Variants in LIX1 observed in about 807,000 individuals in gnomAD.
LIX1 encodes protein limb expression 1 homolog.
A neutral mutation model predicts 33.4 loss-of-function variants in LIX1; 24 were observed. The observed-to-expected ratio is 0.72, with a 90% CI of 0.52 to 1.01. LIX1 has a LOEUF of 1.01. Ranked by LOEUF, LIX1 falls within the 50% of genes least tolerant of loss-of-function variation. The pLI is 0.00. For missense variants in LIX1, 311 were observed against 339.2 expected (o/e 0.92, Z 0.65); for synonymous variants, 124 against 124.0 (o/e 1.00, Z 0.00).
chr5:97,100,428 C>G lies in LIX1; in HGVS notation c.484-3541G>C, dbSNP rs189435289. 3.7e-4 allele frequency among the ~76,000 whole-genome samples: 57 copies of G among 152,320 alleles called. 1 individual carries two copies. In the South Asian group the frequency reaches 5.8e-3, roughly 15 times the overall value. On this transcript the variant is annotated intron_variant, in intron 4 of 5. Coordinates refer to ENST00000274382, the MANE Select transcript of LIX1 (RefSeq NM_153234.5). ...TTCCCTAGGGAAGATGACCTCCTTT[C>G]CAACTTCTTACATTATATCCCCATC...
At chr5:97,125,128 C>T (rs1747886117) in intron 1 of LIX1, among the ~76,000 whole-genome samples, 1 of 152,152 alleles carries the variant, frequency 6.6e-6, no homozygotes, top group South Asian at 2.1e-4. Context: ...GCTCCTTCCA[C>T]CCCAGTCTAA....
chr5:97,120,610 T>A (rs1747753829), intron 2 of LIX1, among the ~76,000 whole-genome samples: 1 of 152,114 alleles, frequency 6.6e-6, no homozygotes, highest in South Asian at 2.1e-4. Flanking sequence ...CAATAGCATT[T>A]CCTAAGTAGA....
intron 1 of LIX1, 49 bp from the exon 2 acceptor site, chr5:97,124,678 G>A: frequency 6.6e-7 from 1 of 1,516,026 alleles, no homozygotes; most frequent in Non-Finnish European, 8.9e-7. Context: ...GACATAATCT[G>A]GTGCAAAACC....
intron 2 of LIX1, among the ~76,000 whole-genome samples, chr5:97,122,295 AG>A (rs1747806519): frequency 6.6e-6 from 1 of 152,112 alleles, no homozygotes; most frequent in African/African-American, 2.4e-5. Flanking sequence ...GAGTTTCTCT[AG>A]CTCTTCTTTA....
intron 2 of LIX1, among the ~76,000 whole-genome samples, chr5:97,114,109 A>T (rs991279784): frequency 5.3e-5 from 8 of 152,226 alleles, no homozygotes; most frequent in Non-Finnish European, 8.8e-5. Flanking sequence ...TCTCTTGATG[A>T]AGTACGGGGC....
chr5:97,134,276 C>A (rs556713471), intron 1 of LIX1, among the ~76,000 whole-genome samples: 1 of 152,188 alleles, frequency 6.6e-6, no homozygotes, highest in African/African-American at 2.4e-5. Flanking sequence ...CCTGCCACCA[C>A]GCCCAGCTAA....
intron 2 of LIX1, among the ~76,000 whole-genome samples, chr5:97,118,659 A>G (rs572218992): frequency 2.7e-4 from 41 of 152,330 alleles, no homozygotes; most frequent in African/African-American, 9.9e-4. Context: ...AAAAGATCCA[A>G]TAAGTACTAA....
chr5:97,132,712 G>C (rs1580246569), intron 1 of LIX1, among the ~76,000 whole-genome samples: 1 of 152,196 alleles, frequency 6.6e-6, no homozygotes, highest in Non-Finnish European at 1.5e-5. Context: ...GTGCTGTGCT[G>C]CCTGTGGTGG....
intron 2 of LIX1, among the ~76,000 whole-genome samples, chr5:97,109,032 G>A (rs961226772): frequency 6.6e-6 from 1 of 151,982 alleles, no homozygotes; most frequent in Non-Finnish European, 1.5e-5. Context: ...GCACTGTCCC[G>A]GGAACGCTCC....
chr5:97,099,594 T>C (rs1746578130), intron 4 of LIX1, among the ~76,000 whole-genome samples: 1 of 152,152 alleles, frequency 6.6e-6, no homozygotes, highest in Non-Finnish European at 1.5e-5. Flanking sequence ...TCCCAGCACT[T>C]GGGAGGCTGC....
chr5:97,140,210 A>G (rs1038242157), intron 1 of LIX1, among the ~76,000 whole-genome samples: 15 of 152,130 alleles, frequency 9.9e-5, no homozygotes, highest in Non-Finnish European at 4.4e-5. Context: ...AAAAAATTTA[A>G]AAGTGTTTTG....
intron 2 of LIX1, among the ~76,000 whole-genome samples, chr5:97,114,164 A>G (rs1477745658): frequency 6.6e-6 from 1 of 152,190 alleles, no homozygotes; most frequent in East Asian, 1.9e-4. Flanking sequence ...TCAGCATTCC[A>G]AGAAGTATTG....
chr5:97,104,525 T>C (rs552011791), intron 4 of LIX1, among the ~76,000 whole-genome samples: 3 of 152,328 alleles, frequency 2.0e-5, no homozygotes, highest in East Asian at 1.9e-4. Context: ...ATCCACCTCA[T>C]ACAGTTATTG....
intron 1 of LIX1, chr5:97,137,291 A>G (rs907699278): frequency 3.9e-5 from 9 of 228,438 alleles, no homozygotes; most frequent in African/African-American, 1.4e-4. Flanking sequence ...ATAGGTGTCT[A>G]TCATATTTAT....
At chr5:97,134,212 TG>T (rs1371839503) in intron 1 of LIX1, among the ~76,000 whole-genome samples, 2 of 152,246 alleles carry the variant, frequency 1.3e-5, no homozygotes, top group African/African-American at 2.4e-5. Context: ...CTCCACCTCC[TG>T]GGTTGAAGCG....
chr5:97,122,386 C>T (rs1022420287), intron 2 of LIX1, among the ~76,000 whole-genome samples: 9 of 152,232 alleles, frequency 5.9e-5, no homozygotes, highest in African/African-American at 1.2e-4. Flanking sequence ...TCTCGTCTCC[C>T]GGAATTGCCT....
chr5:97,124,696 T>G, intron 1 of LIX1, 67 bp from the exon 2 acceptor site: 1 of 1,395,420 alleles, frequency 7.2e-7, no homozygotes, highest in Middle Eastern at 2.2e-4. Flanking sequence ...ACCAAAATTT[T>G]ATTTGCAAGC....
chr5:97,111,005 C>T (rs1423378549), intron 2 of LIX1, among the ~76,000 whole-genome samples: 2 of 152,236 alleles, frequency 1.3e-5, no homozygotes, highest in East Asian at 1.9e-4. Flanking sequence ...ATTGAGTCAC[C>T]AATCTTTCAC....
intron 1 of LIX1, among the ~76,000 whole-genome samples, chr5:97,137,877 CTG>C (rs1172644423): frequency 6.6e-6 from 1 of 152,134 alleles, no homozygotes; most frequent in African/African-American, 2.4e-5. Flanking sequence ...TTTCACATAA[CTG>C]TACTAAAAAG....
Sources: gnomAD v4.1 joint callset for allele counts (sites outside exome capture counted in the v4.1 genomes callset) on GRCh38, gnomAD v4.1.1 for gene constraint, MANE v1.5 for transcripts, NCBI Gene and HGNC (gene_info 2026-07-23, HGNC 2026-07-21) for gene names.